Variants in PCDHGA7 observed in about 807,000 individuals in gnomAD.
PCDHGA7 encodes protocadherin gamma subfamily A, 7, also known as protocadherin gamma-A7.
A neutral mutation model predicts 58.3 loss-of-function variants in PCDHGA7; 44 were observed. That is an observed-to-expected ratio of 0.75 (90% confidence interval 0.59 to 0.97). PCDHGA7 has a LOEUF of 0.97. Among genes scored for constraint, PCDHGA7 ranks in the 50% least tolerant of loss-of-function variants. The probability of loss-of-function intolerance (pLI) is 0.00; values close to 1 mark genes in which losing one functional copy is unlikely to be tolerated. For missense variants in PCDHGA7, 1,266 were observed against 1,188.7 expected (o/e 1.06, Z -0.96); for synonymous variants, 516 against 504.2 (o/e 1.02, Z -0.31).
chr5:141,410,119 C>T (rs1306210256), intron 1 of PCDHGA7: 2 of 1,612,822 alleles, frequency 1.2e-6, no homozygotes, highest in Middle Eastern at 1.7e-4. Flanking sequence ...ACGCAGCCCG[C>T]CAGCGCCTGC....
chr5:141,451,001 A>G (rs909477017), intron 1 of PCDHGA7, among the ~76,000 whole-genome samples: 1 of 148,266 alleles, frequency 6.7e-6, no homozygotes, highest in African/African-American at 2.5e-5. Context: ...ATTTTTTTGT[A>G]TTTTTTTTAG....
intron 1 of PCDHGA7, among the ~76,000 whole-genome samples, chr5:141,457,984 A>G (rs1210742359): frequency 2.0e-5 from 3 of 152,226 alleles, no homozygotes; most frequent in Non-Finnish European, 1.5e-5. Context: ...ACACCCTTTC[A>G]GTTAAAGCCT....
chr5:141,410,849 C>CTTTT lies in PCDHGA7; in HGVS notation c.2424+25545_2424+25548dup, dbSNP rs759346998. The CTTTT allele has an allele frequency of 9.0e-3, 1,245 of 137,660 alleles. 106 individuals are homozygous for CTTTT. The highest frequency in any genetic ancestry group is 0.023 in the African/African-American group (378 of 16,590). 8.5% of individuals were successfully genotyped at this position (137,660 alleles called of 1,614,324 possible). On this transcript the variant is annotated intron_variant, in intron 1 of 3. Coordinates refer to ENST00000518325, the MANE Select transcript of PCDHGA7 (RefSeq NM_018920.4). The stretch of plus-strand genomic sequence containing the variant: ...CAGACTGAAGATATTTTGTCTTTGT[C>CTTTT]TTTTTTTTTTTTTTTTTTTTTTGAG...
rs766168062 is a variant in PCDHGA7, at chr5:141,491,124, G to A, written c.2425-3683G>A. ...TCGTGTCTACACACACTGGTGAGGT[G>A]CGCACAGCCCGGGCCTTACTGGAGG... On this transcript the variant is annotated intron_variant, in intron 1 of 3. Transcript: ENST00000518325. The surrounding 1 kb of genome is among the most constrained non-coding windows in gnomAD (Gnocchi z 6.9). 22 of 1,614,092 alleles carry A rather than the reference G, an allele frequency of 1.4e-5. No individual in the cohort carries two copies. The highest frequency in any genetic ancestry group is 3.3e-5 in the Admixed American group (2 of 60,004).
chr5:141,490,321 G>C lies in PCDHGA7; in HGVS notation c.2425-4486G>C. On this transcript the variant is annotated intron_variant, in intron 1 of 3. Coordinates refer to ENST00000518325, the MANE Select transcript of PCDHGA7 (RefSeq NM_018920.4). The surrounding 1 kb of genome is among the most constrained non-coding windows in gnomAD (Gnocchi z 5.4). ...GGCCTCTTTGGCCAACCCTGTCCTA[G>C]AGAGCACACCAGTGGGCACAGTAGT... 1.2e-6 allele frequency: 2 copies of C among 1,614,220 alleles called. No homozygotes were observed. The highest frequency in any genetic ancestry group is 1.7e-6 in the Non-Finnish European group (2 of 1,180,044).
intron 1 of PCDHGA7, among the ~76,000 whole-genome samples, chr5:141,465,307 T>C (rs2099100636): frequency 6.6e-6 from 1 of 152,218 alleles, no homozygotes; most frequent in Non-Finnish European, 1.5e-5. Context: ...CCTGGGAATT[T>C]AGCCATGTCA....
At chr5:141,410,523 A>G (rs2095403267) in intron 1 of PCDHGA7, 3 of 1,613,800 alleles carry the variant, frequency 1.9e-6, no homozygotes, top group South Asian at 2.2e-5. Flanking sequence ...GTGCCCCTAC[A>G]TTCCAATGAA....
chr5:141,454,407 T>TTTTA (rs1029547484), intron 1 of PCDHGA7, among the ~76,000 whole-genome samples: 21 of 152,236 alleles, frequency 1.4e-4, no homozygotes, highest in Admixed American at 1.2e-3. Flanking sequence ...GCTTATTCCT[T>TTTTA]TTTATTTATT....
At position 141,383,074 on chromosome 5, in the gene PCDHGA7, C is replaced by T; in HGVS notation, c.175C>T (p.Leu59=). Residue 59 remains leucine (L), a synonymous_variant, in exon 1 of 4, where the codon CTG becomes TTG. Coordinates refer to ENST00000518325, the MANE Select transcript of PCDHGA7 (RefSeq NM_018920.4). ...GGACCTGGGGCTGGAGCCCCGGGAG[C>T]TGGCGGAGCGCGGAGTCCGCATCAT... ...AKDLGLEPRE[L]AERGVRIISR... The T allele has an allele frequency of 1.9e-6, 3 of 1,613,886 alleles. No individual in the cohort carries two copies. Among genetic ancestry groups the T allele is most frequent in the Non-Finnish European group, 2.5e-6 (3 of 1,179,900 alleles).
At chr5:141,413,369 A>G (rs767278842) in intron 1 of PCDHGA7, 1 of 1,613,964 alleles carries the variant, frequency 6.2e-7, no homozygotes, top group South Asian at 1.1e-5. Context: ...GAGCTGGCGG[A>G]GCGCGGAGTC....
At position 141,493,157 on chromosome 5, in the gene PCDHGA7, T is replaced by C. The variant is rs1261889479; in HGVS notation, c.2425-1650T>C. ...TTGAAACACCCCCAGGTGATTTTGATAGCTGATTGAGAGAAACTTACTATA... is the reference window on the plus strand; with the variant it reads ...TTGAAACACCCCCAGGTGATTTTGACAGCTGATTGAGAGAAACTTACTATA... On this transcript the variant is annotated intron_variant, in intron 1 of 3. Coordinates refer to ENST00000518325, the MANE Select transcript of PCDHGA7 (RefSeq NM_018920.4). This position sits in a 1 kb window ranked among gnomAD's most constrained non-coding sequence, Gnocchi z 4.3. 2.0e-5 allele frequency among the ~76,000 whole-genome samples: 3 copies of C among 152,224 alleles called. No individual in the cohort carries two copies. Among genetic ancestry groups the C allele is most frequent in the Admixed American group, 6.5e-5 (1 of 15,286 alleles).
chr5:141,461,647 C>T (rs1242234255), intron 1 of PCDHGA7, among the ~76,000 whole-genome samples: 3 of 152,006 alleles, frequency 2.0e-5, no homozygotes, highest in Non-Finnish European at 4.4e-5. Context: ...TTCTTTGACC[C>T]ATGGATTATT....
chr5:141,416,101 C>CT (rs34144584), intron 1 of PCDHGA7: 1 of 158,972 alleles, frequency 6.3e-6, no homozygotes, highest in Non-Finnish European at 1.4e-5. Context: ...GGCAATAGGC[C>CT]TTTTTCAAAC....
At chr5:141,399,818 G>A in intron 1 of PCDHGA7, 1 of 1,613,204 alleles carries the variant, frequency 6.2e-7, no homozygotes, top group Non-Finnish European at 8.5e-7. Context: ...CCCGCGCTGG[G>A]TCCCGACGGC....
Position 141,486,955 on chromosome 5 carries a change from T to A in PCDHGA7, c.2425-7852T>A, listed in dbSNP as rs1459820579. 1.9e-6 allele frequency: 3 copies of A among 1,614,128 alleles called. No individual in the cohort carries two copies. The highest frequency in any genetic ancestry group is 2.5e-6 in the Non-Finnish European group (3 of 1,180,048). ...CTGGCCACCTAATCACAAAGGTGACTGCTGTGGACTTGGATTCAGGTTACA... is the reference window on the plus strand; with the variant it reads ...CTGGCCACCTAATCACAAAGGTGACAGCTGTGGACTTGGATTCAGGTTACA... On this transcript the variant is annotated intron_variant, in intron 1 of 3. Coordinates refer to ENST00000518325, the MANE Select transcript of PCDHGA7 (RefSeq NM_018920.4). This position sits in a 1 kb window ranked among gnomAD's most constrained non-coding sequence, Gnocchi z 5.0.
intron 1 of PCDHGA7, chr5:141,393,292 C>T: frequency 6.2e-7 from 1 of 1,613,946 alleles, no homozygotes; most frequent in Non-Finnish European, 8.5e-7. Context: ...GCTGTTGACC[C>T]GGATGTGGGC....
chr5:141,423,811 T>G, intron 1 of PCDHGA7: 1 of 1,254,642 alleles, frequency 8.0e-7, no homozygotes, highest in Non-Finnish European at 1.0e-6. Flanking sequence ...ACATGTGAGT[T>G]TTACTTTGCC....
At position 141,491,660 on chromosome 5, in the gene PCDHGA7, C is replaced by A; in HGVS notation, c.2425-3147C>A. ...ACAGCTCTGGCGCTGGAGCCTGACGCCATCCGGTCCCGCTCTAATACGCTG... is the reference window on the plus strand; with the variant it reads ...ACAGCTCTGGCGCTGGAGCCTGACGACATCCGGTCCCGCTCTAATACGCTG... On this transcript the variant is annotated intron_variant, in intron 1 of 3. Transcript: ENST00000518325. The surrounding 1 kb of genome is among the most constrained non-coding windows in gnomAD (Gnocchi z 6.9). The A allele has an allele frequency of 6.2e-7, 1 of 1,613,810 alleles. No individual in the cohort carries two copies. The highest frequency in any genetic ancestry group is 8.5e-7 in the Non-Finnish European group (1 of 1,180,008).
chr5:141,449,645 A>G (rs1331667429), intron 1 of PCDHGA7, among the ~76,000 whole-genome samples: 1 of 151,128 alleles, frequency 6.6e-6, no homozygotes, highest in African/African-American at 2.4e-5. Context: ...CTATATATAC[A>G]TATTTACATA....
Sources: allele counts gnomAD v4.1 joint callset (sites outside exome capture counted in the v4.1 genomes callset), GRCh38; gene constraint gnomAD v4.1.1; non-coding constraint Gnocchi (gnomAD v3.1); transcripts MANE v1.5; gene names NCBI Gene and HGNC (gene_info 2026-07-23, HGNC 2026-07-21).